TRPC4: variants seen among roughly 807,000 people sequenced by gnomAD.
The protein encoded by TRPC4 is short transient receptor potential channel 4.
In TRPC4, 49 loss-of-function variants were observed where a neutral mutation model predicts 99.4. The observed-to-expected ratio is 0.49, with a 90% CI of 0.39 to 0.63. The LOEUF (loss-of-function observed/expected upper bound fraction) is 0.63, where lower values mean the gene tolerates loss of function less well. Ranked by LOEUF, TRPC4 falls within the 20% of genes least tolerant of loss-of-function variation. TRPC4 has a pLI of 0.00. For synonymous variants in TRPC4, 454 were observed against 425.9 expected (o/e 1.07, Z -0.81); for missense variants, 898 against 1,152.9 (o/e 0.78, Z 3.20).
intron 3 of TRPC4, among the ~76,000 whole-genome samples, chr13:37,736,100 T>G (rs1422921673): frequency 2.0e-5 from 3 of 152,224 alleles, no homozygotes; most frequent in Non-Finnish European, 4.4e-5. Context: ...TCTAAAAGCC[T>G]AGTGTTAAAT....
At chr13:37,641,486 G>T (rs1000574639) in intron 8 of TRPC4, among the ~76,000 whole-genome samples, 1 of 152,152 alleles carries the variant, frequency 6.6e-6, no homozygotes, top group Admixed American at 6.5e-5. Flanking sequence ...TAGAAAAAAA[G>T]AATGGATGAG....
chr13:37,662,309 TA>T (rs58318459), intron 6 of TRPC4, among the ~76,000 whole-genome samples: 54,624 of 148,356 alleles, frequency 0.37, 10,158 homozygotes, highest in African/African-American at 0.41. Flanking sequence ...AACTCTGCCT[TA>T]AAAAAAAAAA....
Position 37,634,310 on chromosome 13 carries a change from T to C in TRPC4, c.*2593A>G, listed in dbSNP as rs1332194619. On this transcript the variant is annotated 3_prime_UTR_variant, in exon 11 of 11. Coordinates refer to ENST00000379705, the MANE Select transcript of TRPC4 (RefSeq NM_016179.4). Reference sequence around the variant, plus strand: ...TTTTATCCCTACTCCTCATCTTCATTAATGCTACATAATGTCACTACGTAT... The same window carrying C: ...TTTTATCCCTACTCCTCATCTTCATCAATGCTACATAATGTCACTACGTAT... 2.0e-5 allele frequency among the ~76,000 whole-genome samples: 3 copies of C among 152,070 alleles called. No homozygotes were observed. Among genetic ancestry groups the C allele is most frequent in the Non-Finnish European group, 2.9e-5 (2 of 67,972 alleles).
intron 3 of TRPC4, among the ~76,000 whole-genome samples, chr13:37,714,217 C>T (rs1437668487): frequency 6.6e-6 from 1 of 152,002 alleles, no homozygotes; most frequent in East Asian, 1.9e-4. Flanking sequence ...ACCTCTGCCT[C>T]CTGGGTTCAA....
intron 2 of TRPC4, among the ~76,000 whole-genome samples, chr13:37,780,245 T>A (rs993772819): frequency 6.6e-6 from 1 of 152,006 alleles, no homozygotes; most frequent in Non-Finnish European, 1.5e-5. Context: ...TCTGAAAGAG[T>A]ATATTTTGAA....
intron 1 of TRPC4, among the ~76,000 whole-genome samples, chr13:37,855,339 T>G (rs990013260): frequency 2.2e-4 from 31 of 141,468 alleles, no homozygotes; most frequent in African/African-American, 6.1e-4. Flanking sequence ...ACAATGTAGA[T>G]ATATATATAT....
At chr13:37,674,173 G>C (rs1025436096) in intron 5 of TRPC4, 55 bp downstream of exon 5, 127 of 1,441,592 alleles carry the variant, frequency 8.8e-5, no homozygotes, top group Non-Finnish European at 1.1e-4. Context: ...TCAGTTGAAA[G>C]TATATCATTA....
intron 1 of TRPC4, among the ~76,000 whole-genome samples, chr13:37,839,630 A>G (rs1215398534): frequency 6.6e-6 from 1 of 152,188 alleles, no homozygotes; most frequent in Admixed American, 6.5e-5. Context: ...CTGCACTGTC[A>G]GATAGATATT....
chr13:37,669,612 G>A (rs1216607200), intron 5 of TRPC4, among the ~76,000 whole-genome samples: 1 of 152,108 alleles, frequency 6.6e-6, no homozygotes. Flanking sequence ...AAAATTGAGA[G>A]CAAATACTGC....
Position 37,787,042 on chromosome 13 carries a change from G to T in TRPC4, c.-27-3682C>A, listed in dbSNP as rs931837255. Among the ~76,000 whole-genome samples, 5 of 151,870 alleles carry T rather than the reference G, an allele frequency of 3.3e-5. No individual in the cohort carries two copies. In the South Asian group the frequency reaches 8.3e-4, roughly 25 times the overall value. On this transcript the variant is annotated intron_variant, in intron 1 of 10. Coordinates refer to ENST00000379705, the MANE Select transcript of TRPC4 (RefSeq NM_016179.4). ...TAAAGATATACAACCAAAAATTTTAGATATTTATATGTATCTGAAGGCATA... is the reference window on the plus strand; with the variant it reads ...TAAAGATATACAACCAAAAATTTTATATATTTATATGTATCTGAAGGCATA...
intron 8 of TRPC4, among the ~76,000 whole-genome samples, chr13:37,642,769 C>T (rs1283770936): frequency 2.0e-5 from 3 of 146,356 alleles, no homozygotes; most frequent in East Asian, 4.0e-4. Flanking sequence ...TAGAATCTCA[C>T]TCTGTCACCA....
intron 2 of TRPC4, among the ~76,000 whole-genome samples, 189 bp downstream of exon 2, chr13:37,782,767 G>T (rs934013141): frequency 6.6e-6 from 1 of 151,244 alleles, no homozygotes; most frequent in Non-Finnish European, 1.5e-5. Flanking sequence ...GCAAGTGGAC[G>T]TAACTATCAT....
intron 5 of TRPC4, among the ~76,000 whole-genome samples, chr13:37,669,916 G>A (rs1395849698): frequency 6.6e-6 from 1 of 152,108 alleles, no homozygotes; most frequent in Non-Finnish European, 1.5e-5. Context: ...TCCCCAGATT[G>A]AGCCCCCCAG....
chr13:37,678,357 T>C (rs576893581), intron 4 of TRPC4, among the ~76,000 whole-genome samples: 29 of 152,030 alleles, frequency 1.9e-4, no homozygotes, highest in Non-Finnish European at 4.1e-4. Context: ...ATAAAATTGA[T>C]AAAACGCTAG....
intron 1 of TRPC4, among the ~76,000 whole-genome samples, chr13:37,799,398 CT>C: frequency 6.6e-6 from 1 of 152,222 alleles, no homozygotes; most frequent in East Asian, 1.9e-4. Flanking sequence ...ACTGCCTCTT[CT>C]TTTGTCAAAT....
At chr13:37,824,411 G>T (rs1391057861) in intron 1 of TRPC4, among the ~76,000 whole-genome samples, 17 of 151,700 alleles carry the variant, frequency 1.1e-4, no homozygotes, top group Admixed American at 3.9e-4. Flanking sequence ...CTGTGGGTTT[G>T]TCATAGATAG....
chr13:37,644,827 C>T (rs1327346019), intron 8 of TRPC4, among the ~76,000 whole-genome samples: 3 of 140,478 alleles, frequency 2.1e-5, no homozygotes, highest in Non-Finnish European at 4.5e-5. Flanking sequence ...GAGTGCAGAT[C>T]GCGCCACTGC....
intron 2 of TRPC4, among the ~76,000 whole-genome samples, chr13:37,762,474 C>T (rs1956248485): frequency 6.6e-6 from 1 of 151,256 alleles, no homozygotes; most frequent in African/African-American, 2.4e-5. Flanking sequence ...ACCCAAATGT[C>T]CAACAATGAT....
intron 1 of TRPC4, among the ~76,000 whole-genome samples, chr13:37,841,668 A>C (rs772528116): frequency 6.6e-6 from 1 of 152,148 alleles, no homozygotes; most frequent in South Asian, 2.1e-4. Context: ...GCCATTGTAG[A>C]AATACAAAAT....
Sources: allele counts gnomAD v4.1 joint callset (sites outside exome capture counted in the v4.1 genomes callset), GRCh38; gene constraint gnomAD v4.1.1; transcripts MANE v1.5; gene names NCBI Gene and HGNC (gene_info 2026-07-23, HGNC 2026-07-21).